Variants in DIAPH2 observed in about 807,000 individuals in gnomAD.
The protein encoded by DIAPH2 is diaphanous related formin 2, also known as protein diaphanous homolog 2.
In DIAPH2, 35 loss-of-function variants were observed where a neutral mutation model predicts 92.7. That is an observed-to-expected ratio of 0.38 (90% CI 0.29 to 0.50). The LOEUF (loss-of-function observed/expected upper bound fraction) is 0.50, where lower values mean the gene tolerates loss of function less well. DIAPH2 is among the 20% of genes least tolerant of loss of function. DIAPH2 has a pLI of 0.94. For synonymous variants in DIAPH2, 301 were observed against 280.4 expected (o/e 1.07, Z -0.73); for missense variants, 701 against 819.5 (o/e 0.86, Z 1.77).
intron 24 of DIAPH2, among the ~76,000 whole-genome samples, chrX:97,367,294 C>A (rs2069389728): frequency 9.0e-6 from 1 of 111,552 alleles, no homozygotes; most frequent in Non-Finnish European, 1.9e-5. Flanking sequence ...TTGGCCAAAT[C>A]TAGGTCATGA....
chrX:97,545,969 G>C (rs1423004084), intron 26 of DIAPH2, among the ~76,000 whole-genome samples: 3 of 110,593 alleles, frequency 2.7e-5, no homozygotes, highest in Non-Finnish European at 5.7e-5. Flanking sequence ...CTTTCTCAGT[G>C]GTGGGGAAAA....
intron 23 of DIAPH2, among the ~76,000 whole-genome samples, chrX:97,331,730 T>C (rs944448434): frequency 1.8e-5 from 2 of 111,552 alleles, no homozygotes; most frequent in African/African-American, 6.5e-5. Context: ...CAAACAGTTT[T>C]ATTAAGTAGG....
In DIAPH2 at chrX:97,277,915, G is replaced by A. The variant is rs149196734; in HGVS notation, c.2844+30076G>A. Among the ~76,000 whole-genome samples the A allele has an allele frequency of 5.8e-3, 654 of 111,961 alleles. 4 individuals are homozygous for A. The highest frequency in any genetic ancestry group is 0.02 in the African/African-American group (606 of 30,880). On this transcript the variant is annotated intron_variant, in intron 23 of 26. Coordinates refer to ENST00000324765, the MANE Select transcript of DIAPH2 (RefSeq NM_006729.5). ...GGCTGGAGTGCAGGGGCGCGATCTC[G>A]GCTCACTGTAACCTCTGAGTCCCTG...
In DIAPH2 at chrX:97,322,496, C is replaced by G. The variant is rs148987231; in HGVS notation, c.2845-25620C>G. The stretch of plus-strand genomic sequence containing the variant: ...AAGGGCACTGGTGTATGTTTTATAA[C>G]CATTCATCTCTGTTTTTATGAAGCA... On this transcript the variant is annotated intron_variant, in intron 23 of 26. Transcript: ENST00000324765. Among the ~76,000 whole-genome samples the G allele has an allele frequency of 7.5e-4, 84 of 111,270 alleles. 1 individual carries two copies. In the East Asian group the frequency reaches 0.021, roughly 28 times the overall value.
intron 22 of DIAPH2, among the ~76,000 whole-genome samples, chrX:97,187,038 C>A (rs1200480760): frequency 9.0e-6 from 1 of 111,439 alleles, no homozygotes; most frequent in African/African-American, 3.3e-5. Context: ...TGATTGTTAC[C>A]AGGAATGACT....
intron 17 of DIAPH2, among the ~76,000 whole-genome samples, chrX:97,048,971 C>T (rs747716474): frequency 1.7e-4 from 18 of 108,945 alleles, no homozygotes; most frequent in African/African-American, 5.6e-4. Context: ...TAGCTACTCT[C>T]GCACAATCTT....
chrX:97,118,441 G>T (rs2067031270), intron 21 of DIAPH2, among the ~76,000 whole-genome samples: 1 of 111,609 alleles, frequency 9.0e-6, no homozygotes, highest in African/African-American at 3.3e-5. Flanking sequence ...ATGGAAGATT[G>T]GTTATGCCCT....
intron 17 of DIAPH2, among the ~76,000 whole-genome samples, chrX:97,009,818 G>A (rs950700006): frequency 8.9e-6 from 1 of 111,751 alleles, no homozygotes; most frequent in Non-Finnish European, 1.9e-5. Context: ...GCAAAACAAA[G>A]TCCTCTTTAC....
intron 17 of DIAPH2, among the ~76,000 whole-genome samples, chrX:96,974,556 A>C (rs2065948539): frequency 8.9e-6 from 1 of 112,053 alleles, no homozygotes; most frequent in African/African-American, 3.2e-5. Flanking sequence ...AAGCCATAAT[A>C]ATGTCATATT....
At chrX:97,178,099 A>C (rs1406556692) in intron 22 of DIAPH2, among the ~76,000 whole-genome samples, 2 of 110,026 alleles carry the variant, frequency 1.8e-5, no homozygotes, top group African/African-American at 6.6e-5. Flanking sequence ...TAATCTCTAT[A>C]ATCCCAGCTG....
At chrX:96,955,960 C>G (rs1569434791) in intron 15 of DIAPH2, among the ~76,000 whole-genome samples, 2 of 112,557 alleles carry the variant, frequency 1.8e-5, no homozygotes, top group Non-Finnish European at 3.8e-5. Flanking sequence ...TGGCCCTCTT[C>G]TCACAGCTCC....
At chrX:96,958,626 T>C (rs1223385943) in intron 16 of DIAPH2, among the ~76,000 whole-genome samples, 2 of 111,544 alleles carry the variant, frequency 1.8e-5, no homozygotes, top group Non-Finnish European at 3.8e-5. Context: ...TACAACATAT[T>C]GTTAACTATG....
intron 26 of DIAPH2, among the ~76,000 whole-genome samples, chrX:97,526,106 GACA>G (rs200302816): frequency 0.027 from 3,037 of 111,373 alleles, 33 homozygotes; most frequent in Non-Finnish European, 0.039. Context: ...ATCATCTTTA[GACA>G]ACTTTACCCT....
At position 97,370,099 on chromosome X, in the gene DIAPH2, G is replaced by A. The variant is rs146593133; in HGVS notation, c.3010-13810G>A. ...TTATTGATTCCCCAGGGACTAGAAC[G>A]GTATGTGACAGTTCATGCTGGATAA... On this transcript the variant is annotated intron_variant, in intron 24 of 26. Coordinates refer to ENST00000324765, the MANE Select transcript of DIAPH2 (RefSeq NM_006729.5). Among the ~76,000 whole-genome samples, 636 of 111,266 alleles carry A rather than the reference G, an allele frequency of 5.7e-3. 2 individuals carry two copies. Among genetic ancestry groups the A allele is most frequent in the African/African-American group, 0.02 (600 of 30,653 alleles).
intron 26 of DIAPH2, among the ~76,000 whole-genome samples, chrX:97,562,257 AG>A (rs893932192): frequency 2.8e-4 from 31 of 108,937 alleles, no homozygotes; most frequent in African/African-American, 1.0e-3. Context: ...GCACTTTGGT[AG>A]GCGGAGGCAG....
At chrX:97,093,843 G>C (rs2066845726) in intron 19 of DIAPH2, among the ~76,000 whole-genome samples, 1 of 111,611 alleles carries the variant, frequency 9.0e-6, no homozygotes, top group Non-Finnish European at 1.9e-5. Context: ...ACTTAGTACA[G>C]GGCTAGAACC....
At chrX:96,980,941 G>A (rs902747250) in intron 17 of DIAPH2, among the ~76,000 whole-genome samples, 4 of 99,581 alleles carry the variant, frequency 4.0e-5, no homozygotes, top group Non-Finnish European at 6.0e-5. Context: ...TGGGTGGATC[G>A]CATGAGACCA....
chrX:96,995,485 T>C (rs752652285), intron 17 of DIAPH2, among the ~76,000 whole-genome samples: 3 of 112,043 alleles, frequency 2.7e-5, no homozygotes, highest in Non-Finnish European at 3.8e-5. Context: ...AGGCTAAGGA[T>C]TTTGAAGGTA....
intron 4 of DIAPH2, among the ~76,000 whole-genome samples, chrX:96,815,514 T>C (rs1261422888): frequency 8.9e-6 from 1 of 112,149 alleles, no homozygotes; most frequent in Non-Finnish European, 1.9e-5. Context: ...CTGCTTCGTC[T>C]CGCCCTCCGT....
Sources: gnomAD v4.1 joint callset for allele counts (sites outside exome capture counted in the v4.1 genomes callset) on GRCh38, gnomAD v4.1.1 for gene constraint, MANE v1.5 for transcripts, NCBI Gene and HGNC (gene_info 2026-07-23, HGNC 2026-07-21) for gene names.